The following BCAS3 variants were observed in gnomAD, a reference collection of about 807,000 sequenced individuals.
The protein encoded by BCAS3 is BCAS3 microtubule associated cell migration factor.
BCAS3 carries 53 observed loss-of-function variants against 116.1 expected under a neutral mutation model. That is an observed-to-expected ratio of 0.46 (90% CI 0.37 to 0.57). The LOEUF is 0.57. Among genes scored for constraint, BCAS3 ranks in the 20% least tolerant of loss-of-function variants. The probability of loss-of-function intolerance (pLI) is 0.00; values close to 1 mark genes in which losing one functional copy is unlikely to be tolerated. For missense variants in BCAS3, 917 were observed against 1,165.4 expected (o/e 0.79, Z 3.10); for synonymous variants, 391 against 408.2 (o/e 0.96, Z 0.51).
intron 7 of BCAS3, among the ~76,000 whole-genome samples, chr17:60,808,486 G>A (rs950947408): frequency 6.6e-6 from 1 of 152,180 alleles, no homozygotes; most frequent in Non-Finnish European, 1.5e-5. Flanking sequence ...AGTAAATAGT[G>A]TGCACTTCAG....
intron 9 of BCAS3, among the ~76,000 whole-genome samples, chr17:60,882,786 G>T (rs1376824199): frequency 2.0e-5 from 3 of 146,868 alleles, no homozygotes; most frequent in African/African-American, 7.9e-5. Flanking sequence ...GCTCTGTTCT[G>T]TTCCATTGAT....
rs2051767407 is a variant in BCAS3, at chr17:61,286,258, G to T, written c.2426-82069G>T. Among the ~76,000 whole-genome samples the T allele has an allele frequency of 6.6e-6, 1 of 152,240 alleles. No individual in the cohort carries two copies. The highest frequency in any genetic ancestry group is 1.5e-5 in the Non-Finnish European group (1 of 68,034). ...GGAGGGTCTGCGGGGGTGGGGCGCT[G>T]CCGAATATGAGACATTTCCTCTTGC... On this transcript the variant is annotated intron_variant, in intron 22 of 23. Coordinates refer to ENST00000407086, the MANE Select transcript of BCAS3 (RefSeq NM_017679.5). The surrounding 1 kb of genome is among the most constrained non-coding windows in gnomAD (Gnocchi z 4.8).
chr17:61,198,131 T>C lies in BCAS3; in HGVS notation c.2425+113567T>C, dbSNP rs1000466156. On this transcript the variant is annotated intron_variant, in intron 22 of 23. Transcript: ENST00000407086. The surrounding 1 kb of genome is among the most constrained non-coding windows in gnomAD (Gnocchi z 5.0). ...TGCGATTAAGATAAAGTGCAAGATA[T>C]GTTTTTTTTTTTTCTTTTTTTTTTT... is the stretch of plus-strand genomic sequence containing the variant. 4.5e-5 allele frequency among the ~76,000 whole-genome samples: 2 copies of C among 44,120 alleles called. No homozygotes were observed. Among genetic ancestry groups the C allele is most frequent in the South Asian group, 2.7e-3 (2 of 752 alleles). 28.9% of individuals were successfully genotyped at this position (44,120 alleles called of 152,430 possible).
chr17:61,292,337 A>T (rs191596851), intron 22 of BCAS3, among the ~76,000 whole-genome samples: 1 of 152,240 alleles, frequency 6.6e-6, no homozygotes, highest in African/African-American at 2.4e-5. Context: ...AGAAAAGGAT[A>T]GTCCCCTAGT....
chr17:61,063,898 A>G lies in BCAS3; in HGVS notation c.2030-11022A>G, dbSNP rs773979796. Among the ~76,000 whole-genome samples the G allele has an allele frequency of 6.6e-6, 1 of 152,162 alleles. No homozygotes were observed. The highest frequency in any genetic ancestry group is 6.5e-5 in the Admixed American group (1 of 15,274). On this transcript the variant is annotated intron_variant, in intron 19 of 23. Coordinates refer to ENST00000407086, the MANE Select transcript of BCAS3 (RefSeq NM_017679.5). This position sits in a 1 kb window ranked among gnomAD's most constrained non-coding sequence, Gnocchi z 5.3. ...TCAATACCATCTTGTCCCTTCTTAAAACGAACTATCCATTTGTAAACTGCT... is the reference window on the plus strand; with the variant it reads ...TCAATACCATCTTGTCCCTTCTTAAGACGAACTATCCATTTGTAAACTGCT...
intron 22 of BCAS3, among the ~76,000 whole-genome samples, chr17:61,155,299 C>G (rs1211260572): frequency 1.3e-5 from 2 of 152,012 alleles, no homozygotes; most frequent in East Asian, 1.9e-4. Context: ...AACGAAAACA[C>G]TGTATTTATA....
rs1568416898 is a variant in BCAS3 at position 61,130,312 on chromosome 17, T to TC, written c.2425+45751dup. 6.6e-6 allele frequency among the ~76,000 whole-genome samples: 1 copy of TC among 152,208 alleles called. No individual in the cohort carries two copies. Among genetic ancestry groups the TC allele is most frequent in the Non-Finnish European group, 1.5e-5 (1 of 68,040 alleles). On this transcript the variant is annotated intron_variant, in intron 22 of 23. Transcript: ENST00000407086. This position sits in a 1 kb window ranked among gnomAD's most constrained non-coding sequence, Gnocchi z 5.0. Reference sequence around the variant, plus strand: ...CACCATAGAAACTGGCAAAATATCTTCCCAATTAATTATGAGAAATTCATC... The same window carrying TC: ...CACCATAGAAACTGGCAAAATATCTTCCCCAATTAATTATGAGAAATTCATC...
chr17:61,191,786 A>AAAAGG (rs2080144018), intron 22 of BCAS3, among the ~76,000 whole-genome samples: 1 of 142,222 alleles, frequency 7.0e-6, no homozygotes, highest in Non-Finnish European at 1.5e-5. Flanking sequence ...AAAAAAAAAG[A>AAAAGG]AAAGAAAAGA....
At chr17:60,932,742 CAAAAAAAAAAAAA>C (rs1167994825) in intron 13 of BCAS3, among the ~76,000 whole-genome samples, 3 of 38,204 alleles carry the variant, frequency 7.9e-5, no homozygotes, top group Non-Finnish European at 1.9e-4. Context: ...ACTCTTGTCT[CAAAAAAAAAAAAA>C]AAAAAAAAAA....
Position 60,887,309 on chromosome 17 carries a change from ACGG to A in BCAS3, c.662-2385_662-2383del, listed in dbSNP as rs2144986352. 4 of 84,432 alleles carry A rather than the reference ACGG, an allele frequency of 4.7e-5. No homozygotes were observed. The African/African-American group carries it at 1.1e-3, about 24-fold the overall frequency. The allele number at this position is 84,432 out of a possible 1,614,324, so 5.2% of individuals were successfully genotyped here. On this transcript the variant is annotated intron_variant, in intron 9 of 23. Transcript: ENST00000407086. ...TGCCTCGCCCTGCTTCGGCTCGCGC[ACGG>A]TGCACGGTGCGTGCACCCACTGACC... is the stretch of plus-strand genomic sequence containing the variant.
At chr17:61,147,307 C>G (rs546949144) in intron 22 of BCAS3, among the ~76,000 whole-genome samples, 8 of 152,126 alleles carry the variant, frequency 5.3e-5, no homozygotes, top group African/African-American at 1.9e-4. Context: ...AACTCCTGAC[C>G]TCAGGTAATC....
rs2061163489 is a variant in BCAS3, at chr17:60,956,922, T to A, written c.1221+9570T>A. Among the ~76,000 whole-genome samples, 1 of 152,180 alleles carries A rather than the reference T, an allele frequency of 6.6e-6. No homozygotes were observed. The highest frequency in any genetic ancestry group is 1.5e-5 in the Non-Finnish European group (1 of 68,020). On this transcript the variant is annotated intron_variant, in intron 14 of 23. Transcript: ENST00000407086. This position sits in a 1 kb window ranked among gnomAD's most constrained non-coding sequence, Gnocchi z 4.2. Reference sequence around the variant, plus strand: ...ACTACAAAAGCATGTTTTTCTGGATTCTTCCAAGAACTCTGACGGTACTTT... The same window carrying A: ...ACTACAAAAGCATGTTTTTCTGGATACTTCCAAGAACTCTGACGGTACTTT...
chr17:61,089,980 A>C (rs1166153594), intron 22 of BCAS3, among the ~76,000 whole-genome samples: 1 of 152,186 alleles, frequency 6.6e-6, no homozygotes, highest in Non-Finnish European at 1.5e-5. Context: ...GACATTGTTC[A>C]GTCTACAATG....
At chr17:61,175,357 T>TCA (rs1282831806) in intron 22 of BCAS3, among the ~76,000 whole-genome samples, 1 of 151,530 alleles carries the variant, frequency 6.6e-6, no homozygotes, top group Non-Finnish European at 1.5e-5. Flanking sequence ...TATGATTGTG[T>TCA]CACTGTGCTC....
At position 61,375,246 on chromosome 17, in the gene BCAS3, G is replaced by GTGTGTGTGTGCGCGCGCGCGCACACA. The variant is rs150061118; in HGVS notation, c.2593+6761_2593+6762insGCGCGCGCGCGCACACATGTGTGTGT. On this transcript the variant is annotated intron_variant, in intron 23 of 23. Coordinates refer to ENST00000407086, the MANE Select transcript of BCAS3 (RefSeq NM_017679.5). The stretch of plus-strand genomic sequence containing the variant: ...TGTGTGTGTGTGTGTGTGTGTGTGT[G>GTGTGTGTGTGCGCGCGCGCGCACACA]TGTGTGTGTACTAATAAAGTCTTTC... Among the ~76,000 whole-genome samples, 3 of 150,782 alleles carry GTGTGTGTGTGCGCGCGCGCGCACACA rather than the reference G, an allele frequency of 2.0e-5. 1 individual carries two copies. Among genetic ancestry groups the GTGTGTGTGTGCGCGCGCGCGCACACA allele is most frequent in the African/African-American group, 7.4e-5 (3 of 40,274 alleles).
chr17:61,348,754 C>CTT lies in BCAS3; in HGVS notation c.2426-19558_2426-19557dup, dbSNP rs34911740. Among the ~76,000 whole-genome samples the CTT allele has an allele frequency of 0.1, 13,645 of 134,928 alleles. 850 individuals carry two copies. Among genetic ancestry groups the CTT allele is most frequent in the Non-Finnish European group, 0.12 (7,819 of 64,194 alleles). The allele number at this position is 134,928 out of a possible 152,430, so 88.5% of individuals were successfully genotyped here. The stretch of plus-strand genomic sequence containing the variant: ...TCTTGCAACCTCTTGGGCAGAGATT[C>CTT]TTTTTTTTTTTTTTTTGAAACAGAG... On this transcript the variant is annotated intron_variant, in intron 22 of 23. Coordinates refer to ENST00000407086, the MANE Select transcript of BCAS3 (RefSeq NM_017679.5). This position sits in a 1 kb window ranked among gnomAD's most constrained non-coding sequence, Gnocchi z 4.5.
intron 6 of BCAS3, among the ~76,000 whole-genome samples, chr17:60,799,402 T>A (rs2047496406): frequency 6.6e-6 from 1 of 152,128 alleles, no homozygotes; most frequent in African/African-American, 2.4e-5. Context: ...AGATCTCCCT[T>A]ATGCTACCTC....
intron 16 of BCAS3, among the ~76,000 whole-genome samples, chr17:61,027,708 G>T (rs1295016081): frequency 6.6e-6 from 1 of 151,820 alleles, no homozygotes; most frequent in Non-Finnish European, 1.5e-5. Flanking sequence ...GATTTGGGGG[G>T]AGTTTTCTAA....
At chr17:61,135,721 A>T (rs1812590797) in intron 22 of BCAS3, 1 of 152,252 alleles carries the variant, frequency 6.6e-6, no homozygotes, top group Non-Finnish European at 1.5e-5. Context: ...CCTGAAAATC[A>T]CATGAAATTC....
Sources: allele counts gnomAD v4.1 joint callset (sites outside exome capture counted in the v4.1 genomes callset), GRCh38; gene constraint gnomAD v4.1.1; non-coding constraint Gnocchi (gnomAD v3.1); transcripts MANE v1.5; gene names NCBI Gene and HGNC (gene_info 2026-07-23, HGNC 2026-07-21).